The following BMPR1A variants were observed in gnomAD, a reference collection of about 807,000 sequenced individuals.
BMPR1A encodes the protein bone morphogenetic protein receptor type 1A, also known as bone morphogenetic protein receptor type-1A.
In BMPR1A, 7 loss-of-function variants were observed where a neutral mutation model predicts 66.0. The observed-to-expected ratio is 0.11, with a 90% CI of 0.06 to 0.20. The LOEUF is 0.20. BMPR1A is among the 10% of genes least tolerant of loss of function. The pLI, the probability that BMPR1A is intolerant of heterozygous loss-of-function variation, is 1.00. For synonymous variants in BMPR1A, 200 were observed against 229.7 expected (o/e 0.87, Z 1.17); for missense variants, 408 against 669.1 (o/e 0.61, Z 4.31).
At chr10:86,919,716 GT>G (rs1160791794) in intron 10 of BMPR1A, among the ~76,000 whole-genome samples, 4 of 144,290 alleles carry the variant, frequency 2.8e-5, no homozygotes, top group East Asian at 2.0e-4. Context: ...TTTGTTTTTT[GT>G]TTTTTTTAAA....
At chr10:86,762,024 A>C (rs1232460441) in intron 1 of BMPR1A, among the ~76,000 whole-genome samples, 1 of 152,220 alleles carries the variant, frequency 6.6e-6, no homozygotes, top group Non-Finnish European at 1.5e-5. Flanking sequence ...ATATTCCAAC[A>C]GTGGGAATTG....
At chr10:86,808,527 G>A (rs12241114) in intron 1 of BMPR1A, among the ~76,000 whole-genome samples, 4,581 of 152,164 alleles carry the variant, frequency 0.03, 229 homozygotes, top group African/African-American at 0.11. Flanking sequence ...TCAATTCACC[G>A]AAAGAGTTAA....
chr10:86,779,558 G>A (rs888990507), intron 1 of BMPR1A, among the ~76,000 whole-genome samples: 1 of 152,164 alleles, frequency 6.6e-6, no homozygotes, highest in Non-Finnish European at 1.5e-5. Flanking sequence ...TGGGGTTAGA[G>A]TTGTGGTTTT....
intron 1 of BMPR1A, among the ~76,000 whole-genome samples, chr10:86,763,266 A>G (rs1193471472): frequency 2.6e-5 from 4 of 152,184 alleles, no homozygotes; most frequent in Non-Finnish European, 5.9e-5. Context: ...TATTGTGGGT[A>G]ATTTGGGAAG....
chr10:86,895,278 C>G (rs1343770577), intron 5 of BMPR1A, among the ~76,000 whole-genome samples: 1 of 152,194 alleles, frequency 6.6e-6, no homozygotes, highest in East Asian at 1.9e-4. Context: ...TGGCCCCAGC[C>G]TGTAATCCCA....
chr10:86,855,822 CAA>C, intron 2 of BMPR1A: 1 of 1,059,516 alleles, frequency 9.4e-7, no homozygotes, highest in Non-Finnish European at 1.4e-6. Context: ...ATGGAGGAAA[CAA>C]AGTCTTGCTC....
At chr10:86,835,079 G>A (rs1842322010) in intron 1 of BMPR1A, among the ~76,000 whole-genome samples, 1 of 151,680 alleles carries the variant, frequency 6.6e-6, no homozygotes, top group African/African-American at 2.4e-5. Context: ...CAAGCTCAAA[G>A]TTAATCTTAA....
chr10:86,783,494 C>T (rs1204492277), intron 1 of BMPR1A, among the ~76,000 whole-genome samples: 1 of 152,184 alleles, frequency 6.6e-6, no homozygotes, highest in East Asian at 1.9e-4. Context: ...ATGTCTTTCC[C>T]ATTTGTGTGT....
At chr10:86,765,483 CAAAAAAAAA>C (rs34219531) in intron 1 of BMPR1A, among the ~76,000 whole-genome samples, 2 of 70,654 alleles carry the variant, frequency 2.8e-5, no homozygotes, top group East Asian at 8.0e-4. Flanking sequence ...GACTCTGTCT[CAAAAAAAAA>C]AAAAAAAAAA....
rs1328219474 is a variant in BMPR1A, at chr10:86,756,662, C to G, written c.-525C>G. On this transcript the variant is annotated 5_prime_UTR_variant, in exon 1 of 13. It adds an upstream start codon to the 5' untranslated region. Coordinates refer to ENST00000372037, the MANE Select transcript of BMPR1A (RefSeq NM_004329.3). ...CGGCGGCCGCTGCAGAGATTGGAAT[C>G]CGCCTGCCGGGCTTGGCGAAGGAGA... 6.6e-6 allele frequency: 1 copy of G among 151,970 alleles called. No individual in the cohort carries two copies. 9.4% of individuals were successfully genotyped at this position (151,970 alleles called of 1,614,324 possible). A position where few individuals can be genotyped will look rare whatever the true frequency, so the allele number is the denominator to read the frequency against.
At chr10:86,817,322 T>A (rs116009601) in intron 1 of BMPR1A, among the ~76,000 whole-genome samples, 1 of 152,308 alleles carries the variant, frequency 6.6e-6, no homozygotes, top group African/African-American at 2.4e-5. Context: ...ACTAAGTACG[T>A]CATATAAGTG....
intron 3 of BMPR1A, among the ~76,000 whole-genome samples, chr10:86,884,078 A>C (rs1253085346): frequency 1.3e-5 from 2 of 151,942 alleles, no homozygotes; most frequent in Admixed American, 6.6e-5. Context: ...CATGTTGGCC[A>C]GGCTGGTTTG....
intron 5 of BMPR1A, among the ~76,000 whole-genome samples, chr10:86,893,799 AG>A (rs1843190128): frequency 6.6e-6 from 1 of 151,420 alleles, no homozygotes; most frequent in East Asian, 2.0e-4. Context: ...AAAAAAAAAA[AG>A]AAAAGAAATT....
chr10:86,842,411 A>C (rs1377595575), intron 2 of BMPR1A, among the ~76,000 whole-genome samples: 3 of 152,182 alleles, frequency 2.0e-5, no homozygotes, highest in African/African-American at 7.2e-5. Flanking sequence ...GTGGAGGCAG[A>C]GCTTGAAAGT....
intron 1 of BMPR1A, among the ~76,000 whole-genome samples, chr10:86,780,334 C>G (rs1359509201): frequency 6.6e-6 from 1 of 152,020 alleles, no homozygotes; most frequent in Non-Finnish European, 1.5e-5. Context: ...TTTATTTTTG[C>G]TTTTGATGCC....
intron 1 of BMPR1A, among the ~76,000 whole-genome samples, chr10:86,768,733 G>C (rs1465890792): frequency 6.6e-6 from 1 of 152,208 alleles, no homozygotes; most frequent in African/African-American, 2.4e-5. Flanking sequence ...TCTAGGTTTA[G>C]TTATGCATCG....
chr10:86,844,903 A>G (rs938803773), intron 2 of BMPR1A, among the ~76,000 whole-genome samples: 20 of 152,246 alleles, frequency 1.3e-4, no homozygotes, highest in African/African-American at 4.3e-4. Context: ...CAGCCTCCCG[A>G]GAGGCTGGGA....
chr10:86,818,682 A>G (rs1393873435), intron 1 of BMPR1A, among the ~76,000 whole-genome samples: 2 of 152,246 alleles, frequency 1.3e-5, no homozygotes, highest in African/African-American at 4.8e-5. Context: ...AGATAAATGT[A>G]GAAGTTATTT....
chr10:86,879,353 A>C (rs1842958682), intron 3 of BMPR1A, among the ~76,000 whole-genome samples: 1 of 152,216 alleles, frequency 6.6e-6, no homozygotes, highest in South Asian at 2.1e-4. Context: ...TTAGTGGCCA[A>C]AATTCATTAT....
Sources: allele counts gnomAD v4.1 joint callset (sites outside exome capture counted in the v4.1 genomes callset), GRCh38; gene constraint gnomAD v4.1.1; transcripts MANE v1.5; gene names NCBI Gene and HGNC (gene_info 2026-07-23, HGNC 2026-07-21).